Variants in N4BP2L2 observed in about 807,000 individuals in gnomAD.
N4BP2L2 encodes NEDD4-binding protein 2-like 2.
In N4BP2L2, 50 loss-of-function variants were observed where a neutral mutation model predicts 56.2. That is an observed-to-expected ratio of 0.89 (90% CI 0.71 to 1.13). The LOEUF (loss-of-function observed/expected upper bound fraction) is 1.13. N4BP2L2 is among the 50% of genes most tolerant of loss of function. The pLI is 0.00. For missense variants in N4BP2L2, 689 were observed against 693.8 expected (o/e 0.99, Z 0.08); for synonymous variants, 203 against 223.6 (o/e 0.91, Z 0.82).
At chr13:32,518,145 TAAA>T in intron 5 of N4BP2L2, 142 bp from the exon 6 acceptor site, 1 of 774,682 alleles carries the variant, frequency 1.3e-6, no homozygotes, top group Non-Finnish European at 1.9e-6. Flanking sequence ...ACATTTTATG[TAAA>T]AAGACTTATT....
chr13:32,447,712 T>C (rs888428111), intron 6 of N4BP2L2, among the ~76,000 whole-genome samples: 1 of 152,196 alleles, frequency 6.6e-6, no homozygotes, highest in African/African-American at 2.4e-5. Flanking sequence ...GCTTCTCTAA[T>C]ACTCCCCAAG....
chr13:32,463,715 A>C (rs2080668029), intron 6 of N4BP2L2, among the ~76,000 whole-genome samples: 6 of 151,750 alleles, frequency 4.0e-5, no homozygotes, highest in Admixed American at 3.9e-4. Context: ...GTTAGGATTA[A>C]GAGCTGAATT....
exon 7 of N4BP2L2, chr13:32,443,403 G>C: frequency 1.2e-6 from 2 of 1,614,028 alleles, no homozygotes; most frequent in Non-Finnish European, 1.7e-6. Flanking sequence ...GTCTGTCAGA[G>C]CCCAGCTGTA....
chr13:32,446,083 G>A (rs2077009594), intron 6 of N4BP2L2, among the ~76,000 whole-genome samples: 1 of 152,170 alleles, frequency 6.6e-6, no homozygotes. Context: ...CAGTTGATTG[G>A]CTGGGCATTG....
At chr13:32,477,201 G>A in intron 6 of N4BP2L2, 2 of 454,878 alleles carry the variant, frequency 4.4e-6, no homozygotes, top group Admixed American at 2.7e-5. Flanking sequence ...TCAGAAGGTG[G>A]AGGAGAGGAT....
chr13:32,502,566 T>A (rs986617707), intron 6 of N4BP2L2, among the ~76,000 whole-genome samples: 12 of 152,190 alleles, frequency 7.9e-5, no homozygotes, highest in Non-Finnish European at 1.2e-4. Flanking sequence ...ATCTAATAAC[T>A]CTACATTGTA....
chr13:32,517,907 T>C, exon 6 of N4BP2L2: 1 of 1,614,144 alleles, frequency 6.2e-7, no homozygotes, highest in East Asian at 2.2e-5. Context: ...TGTGTGATGG[T>C]TCCACTGAAT....
chr13:32,501,681 G>A (rs573812796), intron 6 of N4BP2L2, among the ~76,000 whole-genome samples: 1 of 152,100 alleles, frequency 6.6e-6, no homozygotes, highest in African/African-American at 2.4e-5. Flanking sequence ...CGGGAGTGGT[G>A]GTGGGCACCC....
intron 6 of N4BP2L2, among the ~76,000 whole-genome samples, chr13:32,468,930 G>A (rs1045766591): frequency 2.0e-5 from 3 of 152,250 alleles, no homozygotes; most frequent in African/African-American, 7.2e-5. Context: ...ATGCAGCTGT[G>A]TGTGGGAGTG....
chr13:32,476,126 G>GA (rs2139033888), intron 6 of N4BP2L2, among the ~76,000 whole-genome samples: 1 of 152,238 alleles, frequency 6.6e-6, no homozygotes, highest in East Asian at 1.9e-4. Context: ...ATGAGCTTCT[G>GA]AAAAATTACA....
Position 32,466,511 on chromosome 13 carries a change from G to A in N4BP2L2, c.366-22385C>T, listed in dbSNP as rs1566071542. ...GAACCCAGGAGGTGTAGGTTGCAGTGAGCCGAGATCAGAGACTCCATCTCA... is the reference window on the plus strand; with the variant it reads ...GAACCCAGGAGGTGTAGGTTGCAGTAAGCCGAGATCAGAGACTCCATCTCA... On this transcript the variant is annotated intron_variant, in intron 6 of 9. Transcript: ENST00000357505. 2.0e-5 allele frequency among the ~76,000 whole-genome samples: 3 copies of A among 151,794 alleles called. No homozygotes were observed. The South Asian group carries it at 6.2e-4, about 32-fold the overall frequency.
chr13:32,459,279 T>A (rs79196888), intron 6 of N4BP2L2, among the ~76,000 whole-genome samples: 6,938 of 151,074 alleles, frequency 0.046, 514 homozygotes, highest in African/African-American at 0.16. Flanking sequence ...AAAAGAAATA[T>A]TAAAAATCAG....
exon 2 of N4BP2L2, chr13:32,536,384 A>G: frequency 1.9e-6 from 3 of 1,614,110 alleles, no homozygotes; most frequent in African/African-American, 1.3e-5. Flanking sequence ...ATCAGGTTTT[A>G]AGAGACCATT....
At chr13:32,471,407 T>C (rs1347421118) in intron 6 of N4BP2L2, among the ~76,000 whole-genome samples, 1 of 152,246 alleles carries the variant, frequency 6.6e-6, no homozygotes, top group Non-Finnish European at 1.5e-5. Flanking sequence ...CCACTTGTTA[T>C]ATAACCTGTT....
intron 6 of N4BP2L2, among the ~76,000 whole-genome samples, chr13:32,460,142 G>A (rs2079768452): frequency 6.6e-6 from 1 of 152,154 alleles, no homozygotes; most frequent in African/African-American, 2.4e-5. Flanking sequence ...ACTGGGCACA[G>A]AAGGAACATA....
intron 4 of N4BP2L2, 143 bp from the exon 5 acceptor site, chr13:32,521,592 A>G (rs1244692464): frequency 8.6e-6 from 5 of 583,854 alleles, no homozygotes; most frequent in East Asian, 3.0e-5. Flanking sequence ...AATATGGTTT[A>G]TAACAGTTAA....
chr13:32,438,670 T>C (rs2075811104), exon 8 of N4BP2L2: 2 of 1,606,378 alleles, frequency 1.2e-6, no homozygotes, highest in East Asian at 2.2e-5. Context: ...ACATCTTCCA[T>C]TGCAAGTAGA....
chr13:32,526,363 C>G (rs1052869906), intron 3 of N4BP2L2, among the ~76,000 whole-genome samples: 6 of 152,156 alleles, frequency 3.9e-5, no homozygotes, highest in Middle Eastern at 3.2e-3. Context: ...CACTGGGTTA[C>G]ATGATCTGAA....
intron 6 of N4BP2L2, among the ~76,000 whole-genome samples, chr13:32,495,776 T>C (rs1431545161): frequency 2.0e-5 from 3 of 152,104 alleles, no homozygotes; most frequent in African/African-American, 4.8e-5. Flanking sequence ...CTCCGCCTCC[T>C]GGGTTCAAGC....
Sources: allele counts gnomAD v4.1 joint callset (sites outside exome capture counted in the v4.1 genomes callset), GRCh38; gene constraint gnomAD v4.1.1; transcripts MANE v1.5; gene names NCBI Gene and HGNC (gene_info 2026-07-23, HGNC 2026-07-21).